Variants in ANKHD1 observed in about 807,000 individuals in gnomAD.
ANKHD1 encodes the protein ankyrin repeat and KH domain containing 1.
In ANKHD1, 31 loss-of-function variants were observed where a neutral mutation model predicts 230.5. The observed-to-expected ratio is 0.13, with a 90% CI of 0.10 to 0.18. The LOEUF is 0.18. ANKHD1 is among the 10% of genes least tolerant of loss of function. The pLI is 1.00. For missense variants in ANKHD1, 2,256 were observed against 3,071.3 expected (o/e 0.73, Z 6.27); for synonymous variants, 1,074 against 1,117.6 (o/e 0.96, Z 0.78).
chr5:140,488,545 C>T (rs1229171482), intron 14 of ANKHD1, among the ~76,000 whole-genome samples: 1 of 149,418 alleles, frequency 6.7e-6, no homozygotes, highest in Non-Finnish European at 1.5e-5. Context: ...GAGTTGAGGC[C>T]ATTGCATTCC....
chr5:140,454,963 T>C (rs1282431839), intron 7 of ANKHD1, among the ~76,000 whole-genome samples: 106 of 144,002 alleles, frequency 7.4e-4, no homozygotes, highest in Middle Eastern at 7.0e-3. Context: ...GTTGGTAGAC[T>C]TCTAGCAAGA....
rs369225318 is a variant in ANKHD1, at chr5:140,539,372, C to T, written c.7583C>T (p.Thr2528Met). Residue 2528 changes from threonine (T) to methionine (M), a missense_variant, in exon 34 of 34, where the codon ACG becomes ATG. By Grantham distance (81) the Thr-to-Met change is moderately conservative. Transcript: ENST00000360839. The part of the protein sequence containing the change: ...CTDAQQIWPG[T>M]WAPHIGNMHL... Reference sequence around the variant, plus strand: ...CCCCCTTTTCAGATTTGGCCTGGCACGTGGGCACCTCATATTGGAAACATG... The same window carrying T: ...CCCCCTTTTCAGATTTGGCCTGGCATGTGGGCACCTCATATTGGAAACATG... 32 of 1,613,934 alleles carry T rather than the reference C, an allele frequency of 2.0e-5. No individual in the cohort carries two copies. Among genetic ancestry groups the T allele is most frequent in the Middle Eastern group, 1.6e-4 (1 of 6,062 alleles).
intron 15 of ANKHD1, among the ~76,000 whole-genome samples, chr5:140,500,852 T>C (rs1752268907): frequency 6.6e-6 from 1 of 151,872 alleles, no homozygotes; most frequent in Non-Finnish European, 1.5e-5. Flanking sequence ...TCATTTCCCT[T>C]ATTTTTATAT....
At chr5:140,418,725 A>G (rs1200369720) in intron 1 of ANKHD1, among the ~76,000 whole-genome samples, 1 of 152,170 alleles carries the variant, frequency 6.6e-6, no homozygotes, top group Non-Finnish European at 1.5e-5. Context: ...TGTAGCAGGT[A>G]TCAATACTTT....
intron 24 of ANKHD1, among the ~76,000 whole-genome samples, chr5:140,516,961 G>C (rs144364538): frequency 2.8e-3 from 428 of 152,128 alleles, no homozygotes; most frequent in African/African-American, 9.6e-3. Context: ...AATGTAAACG[G>C]ATTAAATGCT....
Position 140,485,336 on chromosome 5 carries a change from C to T in ANKHD1, c.1998+88C>T. ...CTTTAGAAAGCTGAGGCGGGTGGAT[C>T]ACTTGAGCCCAGGAGTTTGAGACTA... On this transcript the variant is annotated intron_variant, in intron 12 of 33. Coordinates refer to ENST00000360839, the MANE Select transcript of ANKHD1 (RefSeq NM_017747.3). This position sits in a 1 kb window ranked among gnomAD's most constrained non-coding sequence, Gnocchi z 4.8. 1 of 1,474,916 alleles carries T rather than the reference C, an allele frequency of 6.8e-7. No individual in the cohort carries two copies. Among genetic ancestry groups the T allele is most frequent in the South Asian group, 1.4e-5 (1 of 73,720 alleles). 91.4% of individuals were successfully genotyped at this position (1,474,916 alleles called of 1,614,324 possible). A position where few individuals can be genotyped will look rare whatever the true frequency, so the allele number is the denominator to read the frequency against.
At chr5:140,501,026 C>T (rs1043714834) in intron 15 of ANKHD1, among the ~76,000 whole-genome samples, 1 of 150,752 alleles carries the variant, frequency 6.6e-6, no homozygotes, top group Non-Finnish European at 1.5e-5. Flanking sequence ...AAGAAATCCT[C>T]TTAAGGAGAT....
intron 7 of ANKHD1, among the ~76,000 whole-genome samples, chr5:140,452,607 C>A (rs1049285668): frequency 6.6e-6 from 1 of 152,040 alleles, no homozygotes; most frequent in East Asian, 1.9e-4. Context: ...CCCAGGCAAA[C>A]GGTCTAGAGT....
chr5:140,520,387 T>C (rs1195523547), intron 24 of ANKHD1, among the ~76,000 whole-genome samples: 4 of 152,082 alleles, frequency 2.6e-5, no homozygotes, highest in African/African-American at 9.7e-5. Context: ...CTCAGGGATC[T>C]AGAACTAGAA....
intron 13 of ANKHD1, chr5:140,486,046 G>T: frequency 3.8e-6 from 1 of 264,442 alleles, no homozygotes. Flanking sequence ...AGAGAATCAA[G>T]AGAAAGCTTT....
chr5:140,462,685 A>G (rs1775789443), intron 9 of ANKHD1, among the ~76,000 whole-genome samples: 1 of 147,952 alleles, frequency 6.8e-6, no homozygotes, highest in Non-Finnish European at 1.5e-5. Context: ...AGATGGTGCC[A>G]CTGCACTCCA....
At chr5:140,490,653 A>G (rs752344514) in intron 14 of ANKHD1, among the ~76,000 whole-genome samples, 1 of 152,218 alleles carries the variant, frequency 6.6e-6, no homozygotes, top group Non-Finnish European at 1.5e-5. Context: ...CCTTGTTATA[A>G]CTGGTTCTAC....
At chr5:140,416,854 GTT>G (rs777315779) in intron 1 of ANKHD1, among the ~76,000 whole-genome samples, 3 of 141,410 alleles carry the variant, frequency 2.1e-5, no homozygotes, top group Admixed American at 7.1e-5. Flanking sequence ...TTTAGGATGG[GTT>G]TTTTTTTTTT....
chr5:140,505,824 T>G lies in ANKHD1; in HGVS notation c.3363T>G (p.Thr1121=). 6.2e-7 allele frequency: 1 copy of G among 1,609,526 alleles called. No homozygotes were observed. Among genetic ancestry groups the G allele is most frequent in the Non-Finnish European group, 8.5e-7 (1 of 1,178,468 alleles). The change falls in exon 18 of 34, where the codon ACT becomes ACG. Residue 1121 remains threonine (T), a synonymous_variant. Coordinates refer to ENST00000360839, the MANE Select transcript of ANKHD1 (RefSeq NM_017747.3). The part of the protein sequence containing the change: ...GGDIEAQSER[T]KDTPLSLACS... ...ATATAGAAGCACAGTCTGAACGAAC[T>G]AAGGATACTCCGCTTTCATTGGCAT...
At chr5:140,421,339 C>T (rs1008904981) in intron 1 of ANKHD1, among the ~76,000 whole-genome samples, 1 of 133,272 alleles carries the variant, frequency 7.5e-6, no homozygotes, top group Non-Finnish European at 1.5e-5. Flanking sequence ...TCGCTCTTGT[C>T]GCCCAGGCTG....
In ANKHD1 at chr5:140,459,330, A is replaced by G. The variant is rs775883005; in HGVS notation, c.1647A>G (p.Glu549=). 1 of 1,573,740 alleles carries G rather than the reference A, an allele frequency of 6.4e-7. No individual in the cohort carries two copies. Among genetic ancestry groups the G allele is most frequent in the Non-Finnish European group, 8.7e-7 (1 of 1,153,954 alleles). ...AGGCATCTCAGGAGGGACACCTGGA[A>G]TTGGTTAAATATTTGCTGGCTTCTG... ...LMEASQEGHL[E]LVKYLLASGA... Residue 549 remains glutamate, a synonymous_variant, in exon 9 of 34, where the codon GAA becomes GAG. Coordinates refer to ENST00000360839, the MANE Select transcript of ANKHD1 (RefSeq NM_017747.3).
intron 10 of ANKHD1, among the ~76,000 whole-genome samples, chr5:140,481,065 GA>G (rs1357324063): frequency 6.6e-6 from 1 of 151,984 alleles, no homozygotes; most frequent in Non-Finnish European, 1.5e-5. Context: ...GTTAGTGGAG[GA>G]AAAGCATTAA....
intron 10 of ANKHD1, among the ~76,000 whole-genome samples, chr5:140,465,885 A>G (rs1348335537): frequency 1.3e-5 from 2 of 152,152 alleles, no homozygotes; most frequent in East Asian, 1.9e-4. Flanking sequence ...TTCTTTCTAT[A>G]TCTTTTTCCT....
intron 28 of ANKHD1, 56 bp from the exon 29 acceptor site, chr5:140,528,128 C>CTTT: frequency 5.8e-6 from 8 of 1,384,834 alleles, no homozygotes; most frequent in African/African-American, 1.6e-5. Context: ...TTAAGATTAC[C>CTTT]TTTTTTTTTT....
Sources: gnomAD v4.1 joint callset for allele counts (sites outside exome capture counted in the v4.1 genomes callset) on GRCh38, gnomAD v4.1.1 for gene constraint, Gnocchi (gnomAD v3.1) non-coding constraint, MANE v1.5 for transcripts, NCBI Gene and HGNC (gene_info 2026-07-23, HGNC 2026-07-21) for gene names.